The following AHNAK2 variants were observed in gnomAD, a reference collection of about 807,000 sequenced individuals.
The protein encoded by AHNAK2 is AHNAK nucleoprotein 2.
In AHNAK2, 18 loss-of-function variants were observed where a neutral mutation model predicts 30.7. The observed-to-expected ratio is 0.59, with a 90% CI of 0.41 to 0.87. The LOEUF (loss-of-function observed/expected upper bound fraction) is 0.87, where lower values mean the gene tolerates loss of function less well. AHNAK2 is among the 40% of genes least tolerant of loss of function. The pLI is 0.00. For missense variants in AHNAK2, 8,604 were observed against 7,373.0 expected (o/e 1.17, Z -6.11); for synonymous variants, 3,590 against 3,073.8 (o/e 1.17, Z -5.56).
intron 1 of AHNAK2, among the ~76,000 whole-genome samples, chr14:104,964,022 G>A (rs547432707): frequency 2.0e-5 from 3 of 152,134 alleles, no homozygotes; most frequent in African/African-American, 7.2e-5. Context: ...TATATCCAAA[G>A]GAAATGAAAT....
chr14:104,952,993 A>G lies in AHNAK2; in HGVS notation c.2458T>C (p.Ser820Pro), dbSNP rs190637045. 1.4e-4 allele frequency: 221 copies of G among 1,612,016 alleles called. 1 individual carries two copies. The highest frequency in any genetic ancestry group is 8.3e-4 in the Middle Eastern group (5 of 6,048). ...LDGARLEGDLSLADKEVTAKD... is the reference protein window; with the variant it reads ...LDGARLEGDLPLADKEVTAKD... ...GCAGTCACCTCCTTGTCGGCCAGGG[A>G]CAGGTCCCCCTCCAGCCGCGCACCA... Residue 820 changes from serine (S) to proline (P), a missense_variant, in exon 7 of 7, where the codon TCC becomes CCC. Coordinates refer to ENST00000333244, the MANE Select transcript of AHNAK2 (RefSeq NM_138420.4).
rs766884466 is a variant in AHNAK2, at chr14:104,948,416, C to T, written c.7035G>A (p.Ala2345=). 73 of 1,591,154 alleles carry T rather than the reference C, an allele frequency of 4.6e-5. 1 individual carries two copies. Among genetic ancestry groups the T allele is most frequent in the South Asian group, 2.1e-4 (19 of 89,078 alleles). Residue 2345 remains alanine (A), a synonymous_variant, in exon 7 of 7, where the codon GCG becomes GCA. Transcript: ENST00000333244. ...KSIEASADVS[A]LKVEADVSLP... ...GGCTCACGTCGGCCTCCACCTTCAA[C>T]GCAGACACATCCGCTGAGGCCTCGA...
At position 104,942,503 on chromosome 14, in the gene AHNAK2, G is replaced by A. The variant is rs374879732; in HGVS notation, c.12948C>T (p.Ser4316=). ...CAGACACATCCAACGAGGCCTCGAT[G>A]GACTTGCCTGGGGCAGACACCCCGA... ...PSFGVSAPGK[S]IEASLDVSAL... Residue 4316 remains serine, a synonymous_variant, in exon 7 of 7, where the codon TCC becomes TCT. Coordinates refer to ENST00000333244, the MANE Select transcript of AHNAK2 (RefSeq NM_138420.4). 1 of 1,613,018 alleles carries A rather than the reference G, an allele frequency of 6.2e-7. No homozygotes were observed. Among genetic ancestry groups the A allele is most frequent in the Non-Finnish European group, 8.5e-7 (1 of 1,179,552 alleles).
chr14:104,940,344 C>T lies in AHNAK2; in HGVS notation c.15107G>A (p.Ser5036Asn), dbSNP rs368378170. The change falls in exon 7 of 7, where the codon AGT becomes AAT. Residue 5036 changes from serine to asparagine, a missense_variant. Ser to Asn is a conservative substitution (Grantham distance 46). Coordinates refer to ENST00000333244, the MANE Select transcript of AHNAK2 (RefSeq NM_138420.4). This position sits in a 1 kb window ranked among gnomAD's most constrained non-coding sequence, Gnocchi z 4.4. ...LALPKMKASK[S>N]GVSLPQRDVD... Reference sequence around the variant, plus strand: ...GTCTCTCTGTGGCAGGCTGACCCCACTCTTAGAAGCCTTCATTTTGGGAAG... The same window carrying T: ...GTCTCTCTGTGGCAGGCTGACCCCATTCTTAGAAGCCTTCATTTTGGGAAG... The T allele has an allele frequency of 6.2e-7, 1 of 1,613,846 alleles. No homozygotes were observed. The highest frequency in any genetic ancestry group is 1.3e-5 in the African/African-American group (1 of 75,058).
In AHNAK2 at chr14:104,939,467, A is replaced by G; in HGVS notation, c.15984T>C (p.Thr5328=). 6.2e-7 allele frequency: 1 copy of G among 1,613,338 alleles called. No individual in the cohort carries two copies. Among genetic ancestry groups the G allele is most frequent in the South Asian group, 1.1e-5 (1 of 91,064 alleles). Residue 5328 remains threonine (T), a synonymous_variant, in exon 7 of 7, where the codon ACT becomes ACC. Transcript: ENST00000333244. ...TQVLPGEIDE[T]PLSKPGHDLA... is the part of the protein sequence containing the mutation. ...GGTCATGTCCTGGCTTGGAAAGAGG[A>G]GTCTCATCTATTTCTCCTGGAAGAA...
chr14:104,946,310 T>G lies in AHNAK2; in HGVS notation c.9141A>C (p.Pro3047=). ...CAGCTCCCTCGGGAACGTGGCCCTC[T>G]GGGAGCTTCAGGTCCACCTGGCCAG... is the stretch of plus-strand genomic sequence containing the variant. ...VQAGQVDLKL[P]EGHVPEGAGL... is the part of the protein sequence containing the mutation. Residue 3047 remains proline (P), a synonymous_variant, in exon 7 of 7, where the codon CCA becomes CCC. Transcript: ENST00000333244. 1 of 1,611,252 alleles carries G rather than the reference T, an allele frequency of 6.2e-7. No individual in the cohort carries two copies. Among genetic ancestry groups the G allele is most frequent in the Non-Finnish European group, 8.5e-7 (1 of 1,178,940 alleles).
Position 104,946,321 on chromosome 14 carries a change from G to A in AHNAK2, c.9130C>T (p.Leu3044=), listed in dbSNP as rs773385105. The change falls in exon 7 of 7, where the codon CTG becomes TTG. Residue 3044 remains leucine, a synonymous_variant. Coordinates refer to ENST00000333244, the MANE Select transcript of AHNAK2 (RefSeq NM_138420.4). ...QLEVQAGQVD[L]KLPEGHVPEG... is the part of the protein sequence containing the mutation. ...GGAACGTGGCCCTCTGGGAGCTTCAGGTCCACCTGGCCAGCCTGGACCTCC... is the reference window on the plus strand; with the variant it reads ...GGAACGTGGCCCTCTGGGAGCTTCAAGTCCACCTGGCCAGCCTGGACCTCC... 1 of 1,604,412 alleles carries A rather than the reference G, an allele frequency of 6.2e-7. No individual in the cohort carries two copies. Among genetic ancestry groups the A allele is most frequent in the East Asian group, 2.3e-5 (1 of 44,158 alleles).
intron 1 of AHNAK2, among the ~76,000 whole-genome samples, chr14:104,970,241 C>A (rs1037030987): frequency 3.3e-5 from 5 of 152,180 alleles, no homozygotes; most frequent in African/African-American, 9.7e-5. Context: ...AGAAGGGGCT[C>A]CGGGGCTTTC....
In AHNAK2 at chr14:104,939,990, G is replaced by A. The variant is rs1897929942; in HGVS notation, c.15461C>T (p.Thr5154Ile). The change falls in exon 7 of 7, where the codon ACA becomes ATA. Residue 5154 changes from threonine to isoleucine, a missense_variant. Coordinates refer to ENST00000333244, the MANE Select transcript of AHNAK2 (RefSeq NM_138420.4). ...SQPCGEGIAP[T>I]PEDPLQPSCR... Reference sequence around the variant, plus strand: ...GGATGGCTGGAGGGGATCTTCAGGTGTGGGGGCTATCCCCTCCCCACAAGG... The same window carrying A: ...GGATGGCTGGAGGGGATCTTCAGGTATGGGGGCTATCCCCTCCCCACAAGG... 2.5e-6 allele frequency: 4 copies of A among 1,612,176 alleles called. No individual in the cohort carries two copies. Among genetic ancestry groups the A allele is most frequent in the Non-Finnish European group, 8.5e-7 (1 of 1,179,910 alleles).
Position 104,957,621 on chromosome 14 carries a change from T to C in AHNAK2, c.107A>G (p.Asp36Gly). 1 of 1,611,010 alleles carries C rather than the reference T, an allele frequency of 6.2e-7. No homozygotes were observed. Among genetic ancestry groups the C allele is most frequent in the Non-Finnish European group, 8.5e-7 (1 of 1,179,150 alleles). ...PGEPGAETED[D>G]HSVTEGPADE... ...CCTCCTGCTCTCACTTACAGAGTGG[T>C]CATCTTCCGTTTCTGCACCTGGCTC... Residue 36 changes from aspartate (D) to glycine (G), a missense_variant, in exon 2 of 7, where the codon GAC becomes GGC. Asp to Gly is a moderately conservative substitution (Grantham distance 94). Coordinates refer to ENST00000333244, the MANE Select transcript of AHNAK2 (RefSeq NM_138420.4).
In AHNAK2 at chr14:104,942,182, G is replaced by A. The variant is rs202130765; in HGVS notation, c.13269C>T (p.Asp4423=). The change falls in exon 7 of 7, where the codon GAC becomes GAT. Residue 4423 remains aspartate (D), a synonymous_variant. Coordinates refer to ENST00000333244, the MANE Select transcript of AHNAK2 (RefSeq NM_138420.4). ...PKVEVTSPNL[D]VSLPSMEVDI... ...CCACCTCCATGCTGGGCAGAGACAC[G>A]TCCAGGTTGGGGGACGTCACCTCCA... The A allele has an allele frequency of 1.4e-5, 22 of 1,606,308 alleles. No individual in the cohort carries two copies. Among genetic ancestry groups the A allele is most frequent in the African/African-American group, 4.1e-5 (3 of 73,490 alleles).
rs1282720054 is a variant in AHNAK2 at position 104,940,464 on chromosome 14, G to A, written c.14987C>T (p.Ala4996Val). ...LSLVLDKDEV[A>V]PQSAIHMDLP... is the part of the protein sequence containing the mutation. ...ATCCATGTGGATGGCAGACTGCGGGGCCACTTCATCCTTGTCTAAAACCAG... is the reference window on the plus strand; with the variant it reads ...ATCCATGTGGATGGCAGACTGCGGGACCACTTCATCCTTGTCTAAAACCAG... Residue 4996 changes from alanine to valine, a missense_variant, in exon 7 of 7, where the codon GCC (alanine) becomes GTC (valine). Coordinates refer to ENST00000333244, the MANE Select transcript of AHNAK2 (RefSeq NM_138420.4). The surrounding 1 kb of genome is among the most constrained non-coding windows in gnomAD (Gnocchi z 4.4). The A allele has an allele frequency of 5.0e-6, 8 of 1,613,704 alleles. No individual in the cohort carries two copies. Among genetic ancestry groups the A allele is most frequent in the South Asian group, 1.1e-5 (1 of 91,084 alleles).
rs1225784631 is a variant in AHNAK2 at position 104,952,080 on chromosome 14, A to T, written c.3371T>A (p.Val1124Glu). 1 of 1,612,308 alleles carries T rather than the reference A, an allele frequency of 6.2e-7. No homozygotes were observed. Among genetic ancestry groups the T allele is most frequent in the Non-Finnish European group, 8.5e-7 (1 of 1,179,478 alleles). Residue 1124 changes from valine to glutamate, a missense_variant, in exon 7 of 7, where the codon GTG becomes GAG. Val to Glu is a moderately radical substitution (Grantham distance 121). Transcript: ENST00000333244. ...KAEVTAPDVE[V>E]SLPSVEVDVE... The stretch of plus-strand genomic sequence containing the variant: ...GTCCACCTCCACGCTGGGCAGAGAC[A>T]CCTCCACATCAGGGGCTGTGACTTC...
rs201788769 is a variant in AHNAK2, at chr14:104,939,777, C to G, written c.15674G>C (p.Gly5225Ala). ...TTTGACTTTAGCTGCTGCTTCACCCCCTGTTGCTGCCGGTGCCTGTGTCTG... is the reference window on the plus strand; with the variant it reads ...TTTGACTTTAGCTGCTGCTTCACCCGCTGTTGCTGCCGGTGCCTGTGTCTG... ...VAQTQAPAAT[G>A]GEAAAKVKEF... is the part of the protein sequence containing the mutation. The change falls in exon 7 of 7, where the codon GGG (glycine) becomes GCG (alanine). Residue 5225 changes from glycine to alanine, a missense_variant. By Grantham distance (60) the Gly-to-Ala change is moderately conservative. Coordinates refer to ENST00000333244, the MANE Select transcript of AHNAK2 (RefSeq NM_138420.4). 6.7e-4 allele frequency: 1,075 copies of G among 1,613,790 alleles called. 1 individual carries two copies. The highest frequency in any genetic ancestry group is 8.4e-4 in the Non-Finnish European group (993 of 1,179,906).
rs529969665 is a variant in AHNAK2, at chr14:104,949,814, G to A, written c.5637C>T (p.Asp1879=). The A allele has an allele frequency of 7.5e-5, 119 of 1,587,400 alleles. 16 individuals carry two copies. The African/African-American group carries it at 1.1e-3, about 15-fold the overall frequency. ...CCACTTGGCCAGCCTGGACCACCAGGTCTGCAGAAGGGAGCGGAATGCAGA... is the reference window on the plus strand; with the variant it reads ...CCACTTGGCCAGCCTGGACCACCAGATCTGCAGAAGGGAGCGGAATGCAGA... ...TDLCIPLPSA[D]LVVQAGQVDM... is the part of the protein sequence containing the mutation. The change falls in exon 7 of 7, where the codon GAC becomes GAT. Residue 1879 remains aspartate (D), a synonymous_variant. Transcript: ENST00000333244.
In AHNAK2 at chr14:104,953,060, G is replaced by A; in HGVS notation, c.2391C>T (p.Ser797=). The A allele has an allele frequency of 6.2e-7, 1 of 1,613,344 alleles. No homozygotes were observed. Reference sequence around the variant, plus strand: ...GGGCCTGGACGTCCACCTCCATGCTGGACAGAGACATCTTCACATCGGGGG... The same window carrying A: ...GGGCCTGGACGTCCACCTCCATGCTAGACAGAGACATCTTCACATCGGGGG... The part of the protein sequence containing the change: ...VTAPDVKMSL[S]SMEVDVQAPR... The change falls in exon 7 of 7, where the codon TCC becomes TCT. Residue 797 remains serine, a synonymous_variant. Transcript: ENST00000333244.
At position 104,943,416 on chromosome 14, in the gene AHNAK2, T is replaced by C; in HGVS notation, c.12035A>G (p.Lys4012Arg). The C allele has an allele frequency of 6.2e-7, 1 of 1,613,244 alleles. No homozygotes were observed. The highest frequency in any genetic ancestry group is 8.5e-7 in the Non-Finnish European group (1 of 1,179,636). ...GGGCTGAACGCTGAGGTCAGTGGCC[T>C]TGAGGTCCCCCTGCATGGAAGGGAG... ...VSLPSMQGDLKATDLSVQPPS... is the reference protein window; with the variant it reads ...VSLPSMQGDLRATDLSVQPPS... Residue 4012 changes from lysine (K) to arginine (R), a missense_variant, in exon 7 of 7, where the codon AAG becomes AGG. Transcript: ENST00000333244.
At position 104,954,877 on chromosome 14, in the gene AHNAK2, G is replaced by A. The variant is rs1042099212; in HGVS notation, c.652-78C>T. On this transcript the variant is annotated intron_variant, in intron 6 of 6. Coordinates refer to ENST00000333244, the MANE Select transcript of AHNAK2 (RefSeq NM_138420.4). The surrounding 1 kb of genome is among the most constrained non-coding windows in gnomAD (Gnocchi z 4.3). ...CCTGGCCCAGGGACAGATGGAGTGG[G>A]AGTGCTATCCCCTCCCAGGCTCAGC... The A allele has an allele frequency of 5.8e-6, 9 of 1,543,420 alleles. No homozygotes were observed. In the African/African-American group the frequency reaches 1.2e-4, roughly 21 times the overall value.
chr14:104,943,622 G>T lies in AHNAK2; in HGVS notation c.11829C>A (p.Ala3943=), dbSNP rs10152073. ...CCTCCAGCCGCGCACCATCCAGCTT[G>T]GCTCCTGGGGCCTCGACGTCCACCT... ...SVEVDVEAPG[A]KLDGARLEGD... The change falls in exon 7 of 7, where the codon GCC becomes GCA. Residue 3943 remains alanine (A), a synonymous_variant. Transcript: ENST00000333244. The T allele has an allele frequency of 0.54, 874,063 of 1,612,586 alleles. 239,774 individuals carry two copies. The highest frequency in any genetic ancestry group is 0.67 in the Middle Eastern group (4,061 of 6,044).
Sources: allele counts gnomAD v4.1 joint callset (sites outside exome capture counted in the v4.1 genomes callset), GRCh38; gene constraint gnomAD v4.1.1; non-coding constraint Gnocchi (gnomAD v3.1); transcripts MANE v1.5; gene names NCBI Gene and HGNC (gene_info 2026-07-23, HGNC 2026-07-21).